The following CIT variants were observed in gnomAD, a reference collection of about 807,000 sequenced individuals.
The protein encoded by CIT is citron Rho-interacting kinase.
Under a neutral mutation model 272.7 loss-of-function variants are expected in CIT, and 79 were observed. The observed-to-expected ratio is 0.29, with a 90% CI of 0.24 to 0.35. The LOEUF (loss-of-function observed/expected upper bound fraction) is 0.35. Ranked by LOEUF, CIT falls within the 10% of genes least tolerant of loss-of-function variation. The probability of loss-of-function intolerance (pLI) is 1.00; values close to 1 mark genes in which losing one functional copy is unlikely to be tolerated. For synonymous variants in CIT, 948 were observed against 995.6 expected (o/e 0.95, Z 0.90); for missense variants, 1,909 against 2,618.3 (o/e 0.73, Z 5.91).
At chr12:119,791,207 G>T (rs1965278675) in intron 10 of CIT, among the ~76,000 whole-genome samples, 1 of 152,166 alleles carries the variant, frequency 6.6e-6, no homozygotes, top group Non-Finnish European at 1.5e-5. Flanking sequence ...GATGGCCTTG[G>T]ACACACTCAA....
intron 28 of CIT, among the ~76,000 whole-genome samples, chr12:119,726,658 GTTAA>G (rs1374940344): frequency 3.9e-5 from 6 of 152,112 alleles, no homozygotes; most frequent in African/African-American, 1.4e-4. Context: ...GGGCATTCTG[GTTAA>G]TTAAACTGTC....
At chr12:119,701,128 G>C (rs1229580365) in intron 43 of CIT, 1 of 160,518 alleles carries the variant, frequency 6.2e-6, no homozygotes, top group Non-Finnish European at 1.3e-5. Context: ...GGGGAATGAA[G>C]CGATCCGGAG....
chr12:119,869,741 G>A (rs1370709088), intron 2 of CIT, among the ~76,000 whole-genome samples: 1 of 152,114 alleles, frequency 6.6e-6, no homozygotes, highest in Non-Finnish European at 1.5e-5. Context: ...GTTTTGTTTG[G>A]CCTGTAGTGT....
chr12:119,688,106 C>CT lies in CIT; in HGVS notation c.*125dup. ...CAGGGGTGTCCGTGCCGAGGTGGGT[C>CT]TGGGCCCCGCTGAGCCAGAGGGTGG... On this transcript the variant is annotated 3_prime_UTR_variant, in exon 48 of 48. Transcript: ENST00000392521. The CT allele has an allele frequency of 9.6e-7, 1 of 1,045,492 alleles. No individual in the cohort carries two copies. Among genetic ancestry groups the CT allele is most frequent in the South Asian group, 1.3e-5 (1 of 74,828 alleles). 64.8% of individuals were successfully genotyped at this position (1,045,492 alleles called of 1,614,324 possible).
chr12:119,771,619 G>T, intron 17 of CIT, among the ~76,000 whole-genome samples: 1 of 152,174 alleles, frequency 6.6e-6, no homozygotes, highest in South Asian at 2.1e-4. Context: ...GTTTGGGATG[G>T]GGCAGGGAAT....
At chr12:119,754,314 T>C (rs950765165) in intron 22 of CIT, among the ~76,000 whole-genome samples, 2 of 152,242 alleles carry the variant, frequency 1.3e-5, no homozygotes, top group Non-Finnish European at 2.9e-5. Flanking sequence ...AACATGTTGC[T>C]GTATTCCTGC....
At chr12:119,817,128 GA>G (rs2137998625) in intron 9 of CIT, among the ~76,000 whole-genome samples, 1 of 152,332 alleles carries the variant, frequency 6.6e-6, no homozygotes, top group African/African-American at 2.4e-5. Context: ...CTAGATCTGA[GA>G]CATGGGGAGA....
chr12:119,747,293 T>C (rs562686681), intron 23 of CIT, among the ~76,000 whole-genome samples: 1 of 151,748 alleles, frequency 6.6e-6, no homozygotes, highest in African/African-American at 2.4e-5. Flanking sequence ...TGGTGGCGCA[T>C]GCCTGTAATC....
intron 22 of CIT, among the ~76,000 whole-genome samples, chr12:119,752,497 T>A (rs1960396246): frequency 6.6e-6 from 1 of 152,200 alleles, no homozygotes; most frequent in Non-Finnish European, 1.5e-5. Context: ...TATATTCAAA[T>A]GCCTGGGAAG....
At chr12:119,850,939 T>C (rs1009837991) in intron 4 of CIT, among the ~76,000 whole-genome samples, 2 of 152,170 alleles carry the variant, frequency 1.3e-5, no homozygotes, top group African/African-American at 4.8e-5. Flanking sequence ...GACAGTAGAT[T>C]GGATGCATAC....
chr12:119,785,040 G>A lies in CIT; in HGVS notation c.1321C>T (p.Pro441Ser), dbSNP rs769398080. 5.6e-6 allele frequency: 9 copies of A among 1,614,084 alleles called. No homozygotes were observed. Among genetic ancestry groups the A allele is most frequent in the African/African-American group, 1.3e-5 (1 of 74,932 alleles). The change falls in exon 11 of 48, where the codon CCT becomes TCT. Residue 441 changes from proline (P) to serine (S), a missense_variant. Pro to Ser is a moderately conservative substitution (Grantham distance 74). Coordinates refer to ENST00000392521, the MANE Select transcript of CIT (RefSeq NM_001206999.2). ...TTTTCCATGGAGCTAGTCTTGGCAG[G>A]GGAGTCCAGACCCGACACAACAGAC... Reference protein sequence around the residue: ...SESVVSGLDSPAKTSSMEKKL... With the variant: ...SESVVSGLDSSAKTSSMEKKL...
chr12:119,857,099 T>C (rs964713832), intron 4 of CIT, among the ~76,000 whole-genome samples: 1 of 152,212 alleles, frequency 6.6e-6, no homozygotes, highest in Non-Finnish European at 1.5e-5. Context: ...TAACAAAGAA[T>C]GTTATTTGAT....
chr12:119,704,560 C>A lies in CIT; in HGVS notation c.5212-105G>T, dbSNP rs77334811. ...GCTCAGCGCCATTGATGATTCAGACCAGATCATTCTGTGTGGTGGGGGGAG... is the reference window on the plus strand; with the variant it reads ...GCTCAGCGCCATTGATGATTCAGACAAGATCATTCTGTGTGGTGGGGGGAG... On this transcript the variant is annotated intron_variant, in intron 40 of 47. Transcript: ENST00000392521. 3.8e-3 allele frequency: 3,683 copies of A among 972,088 alleles called. 88 individuals carry two copies. In the African/African-American group the frequency reaches 0.054, roughly 14 times the overall value. 60.2% of individuals were successfully genotyped at this position (972,088 alleles called of 1,614,324 possible). A position where few individuals can be genotyped will look rare whatever the true frequency, so the allele number is the denominator to read the frequency against.
At chr12:119,834,526 C>A (rs1447551818) in intron 5 of CIT, among the ~76,000 whole-genome samples, 2 of 152,202 alleles carry the variant, frequency 1.3e-5, no homozygotes, top group African/African-American at 4.8e-5. Context: ...CAAGTTGACA[C>A]CCCAGACATT....
In CIT at chr12:119,697,610, C is replaced by A. The variant is rs1418126490; in HGVS notation, c.5882+49G>T. On this transcript the variant is annotated intron_variant, in intron 46 of 47. Coordinates refer to ENST00000392521, the MANE Select transcript of CIT (RefSeq NM_001206999.2). This position sits in a 1 kb window ranked among gnomAD's most constrained non-coding sequence, Gnocchi z 4.9. ...TTTAGTATCACTTCCTTCTGCCTTGCAGAAAAGCACGTTGCCCCTGGTACT... is the reference window on the plus strand; with the variant it reads ...TTTAGTATCACTTCCTTCTGCCTTGAAGAAAAGCACGTTGCCCCTGGTACT... 6.3e-7 allele frequency: 1 copy of A among 1,574,902 alleles called. No individual in the cohort carries two copies. The highest frequency in any genetic ancestry group is 1.4e-5 in the African/African-American group (1 of 73,688).
chr12:119,863,072 C>T (rs150949464), intron 3 of CIT, among the ~76,000 whole-genome samples: 2,323 of 144,836 alleles, frequency 0.016, 59 homozygotes, highest in African/African-American at 0.056. Context: ...CATGGTGGTG[C>T]GCACCTGTAG....
Position 119,697,959 on chromosome 12 carries a change from G to A in CIT, c.5702+17C>T, listed in dbSNP as rs768487793. ...CCAATAGCTGAAGTTTTCCACGCAT[G>A]GGAGGACAATGCTTACCCTGCTGAG... On this transcript the variant is annotated intron_variant, in intron 45 of 47. Coordinates refer to ENST00000392521, the MANE Select transcript of CIT (RefSeq NM_001206999.2). This position sits in a 1 kb window ranked among gnomAD's most constrained non-coding sequence, Gnocchi z 4.9. 2 of 1,613,844 alleles carry A rather than the reference G, an allele frequency of 1.2e-6. No homozygotes were observed. The highest frequency in any genetic ancestry group is 2.7e-5 in the African/African-American group (2 of 74,924).
intron 7 of CIT, among the ~76,000 whole-genome samples, chr12:119,827,520 C>A (rs951977556): frequency 2.7e-4 from 41 of 152,076 alleles, no homozygotes; most frequent in Non-Finnish European, 5.6e-4. Context: ...TCACTGCAAC[C>A]TCCTCCTCCC....
rs750089309 is a variant in CIT, at chr12:119,757,391, G to A, written c.2686C>T (p.Leu896=). 5 of 1,614,066 alleles carry A rather than the reference G, an allele frequency of 3.1e-6. No homozygotes were observed. The highest frequency in any genetic ancestry group is 2.7e-5 in the African/African-American group (2 of 75,016). ...CTCACCTCCCGCAATCTTGTCTCCA[G>A]TTCCAGCAGCCGATTCTTGTCACTG... is the stretch of plus-strand genomic sequence containing the variant. The part of the protein sequence containing the change: ...DHSDKNRLLE[L]ETRLREVSLE... The change falls in exon 22 of 48, where the codon CTG becomes TTG. Residue 896 remains leucine (L), a synonymous_variant. Coordinates refer to ENST00000392521, the MANE Select transcript of CIT (RefSeq NM_001206999.2).
Sources: allele counts gnomAD v4.1 joint callset (sites outside exome capture counted in the v4.1 genomes callset), GRCh38; gene constraint gnomAD v4.1.1; non-coding constraint Gnocchi (gnomAD v3.1); transcripts MANE v1.5; gene names NCBI Gene and HGNC (gene_info 2026-07-23, HGNC 2026-07-21).